Variants in PLCD3 observed in about 807,000 individuals in gnomAD.
The protein encoded by PLCD3 is 1-phosphatidylinositol 4,5-bisphosphate phosphodiesterase delta-3.
Under a neutral mutation model 82.8 loss-of-function variants are expected in PLCD3, and 62 were observed. That is an observed-to-expected ratio of 0.75 (90% CI 0.61 to 0.93). The LOEUF is 0.93. PLCD3 is among the 40% of genes least tolerant of loss of function. The pLI is 0.00. For missense variants in PLCD3, 1,023 were observed against 1,103.4 expected, an observed-to-expected ratio of 0.93 and a Z score of 1.03; for synonymous variants, 478 against 471.8, an observed-to-expected ratio of 1.01 and a Z score of -0.17.
intron 7 of PLCD3, among the ~76,000 whole-genome samples, chr17:45,117,392 C>T (rs2054299580): frequency 6.6e-6 from 1 of 152,178 alleles, no homozygotes; most frequent in Non-Finnish European, 1.5e-5. Context: ...CCTACAGGCA[C>T]ATGCCCCCAC....
In PLCD3 at chr17:45,115,505, G is replaced by A. The variant is rs1248543004; in HGVS notation, c.1414-15C>T. The A allele has an allele frequency of 2.0e-5, 32 of 1,600,080 alleles. No homozygotes were observed. Among genetic ancestry groups the A allele is most frequent in the African/African-American group, 1.9e-4 (14 of 74,620 alleles). ...CCCTTCAGCTGCTGTGGGGGCCAAC[G>A]TGGAGGATGAAGGGTTAGGCCTTCT... On this transcript the variant is annotated splice_polypyrimidine_tract_variant and intron_variant, in intron 8 of 14. Coordinates refer to ENST00000619929, the MANE Select transcript of PLCD3 (RefSeq NM_133373.5).
Position 45,115,224 on chromosome 17 carries a change from C to T in PLCD3, c.1581G>A (p.Glu527=). The change falls in exon 10 of 15, where the codon GAG becomes GAA. Residue 527 remains glutamate, a synonymous_variant. Transcript: ENST00000619929. ...QRRLAKQISP[E]LSALAVYCHA... is the part of the protein sequence containing the mutation. ...GGCAGTACACAGCCAGGGCCGACAG[C>T]TCCGGGGAGATCTGCTTGGCCTAGG... 1.9e-6 allele frequency: 3 copies of T among 1,569,176 alleles called. No homozygotes were observed. Among genetic ancestry groups the T allele is most frequent in the Non-Finnish European group, 2.6e-6 (3 of 1,155,348 alleles).
At chr17:45,119,377 T>A (rs1006899027) in intron 4 of PLCD3, among the ~76,000 whole-genome samples, 2 of 152,200 alleles carry the variant, frequency 1.3e-5, no homozygotes, top group African/African-American at 4.8e-5. Flanking sequence ...CTGGGACCAC[T>A]GGTGTGCACC....
At chr17:45,120,853 T>A (rs931917040) in intron 3 of PLCD3, 49 bp downstream of exon 3, 2 of 1,407,436 alleles carry the variant, frequency 1.4e-6, no homozygotes, top group Non-Finnish European at 9.2e-7. Flanking sequence ...CTCTCCAAGG[T>A]TAGGGCTCTC....
At position 45,110,925 on chromosome 17, in the gene PLCD3, A is replaced by G. The variant is rs1353700635; in HGVS notation, c.*1691T>C. The G allele has an allele frequency of 6.6e-6, 1 of 152,232 alleles. No homozygotes were observed. Among genetic ancestry groups the G allele is most frequent in the African/African-American group, 2.4e-5 (1 of 41,458 alleles). 9.4% of individuals were successfully genotyped at this position (152,232 alleles called of 1,614,324 possible). On this transcript the variant is annotated 3_prime_UTR_variant, in exon 15 of 15. Transcript: ENST00000619929. ...CTGCATTAGTTCTTGGAGTTGCTAGAAGGTGGAGTCTGCCCCAGCCCTGTG... is the reference window on the plus strand; with the variant it reads ...CTGCATTAGTTCTTGGAGTTGCTAGGAGGTGGAGTCTGCCCCAGCCCTGTG...
chr17:45,117,250 TTTG>T lies in PLCD3; in HGVS notation c.1261-469_1261-467del, dbSNP rs201853505. On this transcript the variant is annotated intron_variant, in intron 7 of 14. Transcript: ENST00000619929. Reference sequence around the variant, plus strand: ...GAGAGCCACCACGCCTGGCCGATTTTTTGTTGTTGTTGTCTATGCTTTGGTCTC... The same window carrying T: ...GAGAGCCACCACGCCTGGCCGATTTTTTGTTGTTGTCTATGCTTTGGTCTC... Among the ~76,000 whole-genome samples, 1,009 of 151,822 alleles carry T rather than the reference TTTG, an allele frequency of 6.6e-3. 10 individuals are homozygous for T. Among genetic ancestry groups the T allele is most frequent in the African/African-American group, 0.022 (926 of 41,372 alleles).
intron 8 of PLCD3, 72 bp from the exon 9 acceptor site, chr17:45,115,562 C>T (rs747565655): frequency 1.5e-5 from 21 of 1,386,374 alleles, no homozygotes; most frequent in South Asian, 1.2e-4. Context: ...GTCAGTTATT[C>T]AACCACCGCC....
Position 45,112,523 on chromosome 17 carries a change from G to A in PLCD3, c.*93C>T. 7.4e-7 allele frequency: 1 copy of A among 1,350,908 alleles called. No individual in the cohort carries two copies. The highest frequency in any genetic ancestry group is 1.0e-6 in the Non-Finnish European group (1 of 970,998). The allele number at this position is 1,350,908 out of a possible 1,614,324, so 83.7% of individuals were successfully genotyped here. A position where few individuals can be genotyped will look rare whatever the true frequency, so the allele number is the denominator to read the frequency against. ...GGCCAAGTGGGTGGGCTGGGGGGCT[G>A]GTACTCCCACCACCTGACTCCAGAG... On this transcript the variant is annotated 3_prime_UTR_variant, in exon 15 of 15. Coordinates refer to ENST00000619929, the MANE Select transcript of PLCD3 (RefSeq NM_133373.5).
At chr17:45,131,847 G>T (rs898503290) in intron 1 of PLCD3, among the ~76,000 whole-genome samples, 2 of 152,188 alleles carry the variant, frequency 1.3e-5, no homozygotes, top group African/African-American at 2.4e-5. Flanking sequence ...GAGGCCGACC[G>T]CAAACTCGCA....
chr17:45,131,310 C>T (rs969913829), intron 1 of PLCD3, among the ~76,000 whole-genome samples: 3 of 152,222 alleles, frequency 2.0e-5, no homozygotes, highest in African/African-American at 7.2e-5. Context: ...CTAGCCTCTC[C>T]ATCACTGACT....
At chr17:45,114,528 G>A (rs1013337039) in intron 10 of PLCD3, 162 bp from the exon 11 acceptor site, 6 of 552,376 alleles carry the variant, frequency 1.1e-5, no homozygotes, top group Non-Finnish European at 1.9e-5. Flanking sequence ...GCTCACTGAG[G>A]AGGCTGCAGG....
chr17:45,120,895 A>G lies in PLCD3; in HGVS notation c.554+7T>C, dbSNP rs2054331542. 7 of 1,418,232 alleles carry G rather than the reference A, an allele frequency of 4.9e-6. No homozygotes were observed. The highest frequency in any genetic ancestry group is 1.5e-5 in the African/African-American group (1 of 67,046). 87.9% of individuals were successfully genotyped at this position (1,418,232 alleles called of 1,614,324 possible). A position where few individuals can be genotyped will look rare whatever the true frequency, so the allele number is the denominator to read the frequency against. The stretch of plus-strand genomic sequence containing the variant: ...TGGGGCCCTCCCTCCCAGCCCCGGC[A>G]GGATATTGGTCTAGCCGCTCGCGCT... On this transcript the variant is annotated splice_region_variant and intron_variant, in intron 3 of 14. Coordinates refer to ENST00000619929, the MANE Select transcript of PLCD3 (RefSeq NM_133373.5).
chr17:45,118,579 GAAT>G lies in PLCD3; in HGVS notation c.914-90_914-88del. The G allele has an allele frequency of 6.9e-7, 1 of 1,457,438 alleles. No individual in the cohort carries two copies. 90.3% of individuals were successfully genotyped at this position (1,457,438 alleles called of 1,614,324 possible). A position where few individuals can be genotyped will look rare whatever the true frequency, so the allele number is the denominator to read the frequency against. On this transcript the variant is annotated intron_variant, in intron 5 of 14. Coordinates refer to ENST00000619929, the MANE Select transcript of PLCD3 (RefSeq NM_133373.5). The surrounding 1 kb of genome is among the most constrained non-coding windows in gnomAD (Gnocchi z 4.1). Reference sequence around the variant, plus strand: ...TGCCCCCAAGGCCCACTCAGCTTAGGAATAATGACTAGACAATCTACTGACTAG... The same window carrying G: ...TGCCCCCAAGGCCCACTCAGCTTAGGAATGACTAGACAATCTACTGACTAG...
At chr17:45,128,197 T>C (rs569823490) in intron 1 of PLCD3, among the ~76,000 whole-genome samples, 26 of 152,220 alleles carry the variant, frequency 1.7e-4, no homozygotes, top group Non-Finnish European at 3.4e-4. Flanking sequence ...TAACATTCCT[T>C]GGAGAATCAA....
Position 45,118,970 on chromosome 17 carries a change from C to T in PLCD3, c.758G>A (p.Arg253Gln), listed in dbSNP as rs369964222. 60 of 1,611,902 alleles carry T rather than the reference C, an allele frequency of 3.7e-5. No individual in the cohort carries two copies. The highest frequency in any genetic ancestry group is 1.0e-4 in the Admixed American group (6 of 59,880). Residue 253 changes from arginine (R) to glutamine (Q), a missense_variant, in exon 5 of 15, where the codon CGG becomes CAG. By Grantham distance (43) the Arg-to-Gln change is conservative. Coordinates refer to ENST00000619929, the MANE Select transcript of PLCD3 (RefSeq NM_133373.5). The surrounding 1 kb of genome is among the most constrained non-coding windows in gnomAD (Gnocchi z 4.1). ...ATGGAAGATCTCCTCCAGCTCCGGC[C>T]GCTTCAGCAGCCGCCGCAGGAACTC... ...IEEFLRRLLK[R>Q]PELEEIFHQY...
Position 45,112,489 on chromosome 17 carries a change from G to C in PLCD3, c.*127C>G, listed in dbSNP as rs572887350. On this transcript the variant is annotated 3_prime_UTR_variant, in exon 15 of 15. Transcript: ENST00000619929. ...AGGTGAGACCAGCGCCTGGTGAATGGGCTGAGTGGGCCAAGTGGGTGGGCT... is the reference window on the plus strand; with the variant it reads ...AGGTGAGACCAGCGCCTGGTGAATGCGCTGAGTGGGCCAAGTGGGTGGGCT... 2 of 1,048,682 alleles carry C rather than the reference G, an allele frequency of 1.9e-6. No individual in the cohort carries two copies. Among genetic ancestry groups the C allele is most frequent in the African/African-American group, 1.6e-5 (1 of 63,800 alleles). 65.0% of individuals were successfully genotyped at this position (1,048,682 alleles called of 1,614,324 possible). A position where few individuals can be genotyped will look rare whatever the true frequency, so the allele number is the denominator to read the frequency against.
At chr17:45,130,739 A>C (rs2054417492) in intron 1 of PLCD3, among the ~76,000 whole-genome samples, 2 of 147,444 alleles carry the variant, frequency 1.4e-5, no homozygotes, top group Admixed American at 6.7e-5. Flanking sequence ...CACTCTCCAC[A>C]CTCACTCCTG....
Position 45,118,336 on chromosome 17 carries a change from GT to G in PLCD3, c.1069del (p.Thr357LeufsTer99), listed in dbSNP as rs768630087. The G allele has an allele frequency of 3.1e-6, 5 of 1,613,926 alleles. No individual in the cohort carries two copies. Among genetic ancestry groups the G allele is most frequent in the Non-Finnish European group, 4.2e-6 (5 of 1,179,906 alleles). On this transcript the variant is annotated frameshift_variant, in exon 6 of 15. Transcript: ENST00000619929. LOFTEE classifies it high-confidence loss of function. This position sits in a 1 kb window ranked among gnomAD's most constrained non-coding sequence, Gnocchi z 4.1. ...GCTGGGCCCCCCGATCTGGGAGTCA[GT>G]CAGATAGGTGTTGTGGGAGGAAGAG... ...FISSSHNTYL[T>X]DSQIGGPSST...
intron 8 of PLCD3, among the ~76,000 whole-genome samples, chr17:45,115,829 G>A (rs1029405688): frequency 1.3e-5 from 2 of 152,134 alleles, no homozygotes; most frequent in Non-Finnish European, 1.5e-5. Context: ...GTCCTTTTTT[G>A]GTACCATTTA....
Sources: gnomAD v4.1 joint callset for allele counts (sites outside exome capture counted in the v4.1 genomes callset) on GRCh38, gnomAD v4.1.1 for gene constraint, Gnocchi (gnomAD v3.1) non-coding constraint, MANE v1.5 for transcripts, NCBI Gene and HGNC (gene_info 2026-07-23, HGNC 2026-07-21) for gene names.